The following VKORC1L1 variants were observed in gnomAD, a reference collection of about 807,000 sequenced individuals.
VKORC1L1 encodes vitamin K epoxide reductase complex subunit 1-like protein 1.
VKORC1L1 carries 2 observed loss-of-function variants against 18.9 expected under a neutral mutation model. The observed-to-expected ratio is 0.11, with a 90% confidence interval of 0.04 to 0.33. The LOEUF is 0.33. Among genes scored for constraint, VKORC1L1 ranks in the 10% least tolerant of loss-of-function variants. The probability of loss-of-function intolerance (pLI) is 1.00; values close to 1 mark genes in which losing one functional copy is unlikely to be tolerated. For missense variants in VKORC1L1, 123 were observed against 224.1 expected (o/e 0.55, Z 2.88); for synonymous variants, 96 against 100.0 (o/e 0.96, Z 0.24).
rs1790330053 is a variant in VKORC1L1 at position 65,958,119 on chromosome 7, GA to G, written c.*3820del. On this transcript the variant is annotated 3_prime_UTR_variant, in exon 3 of 3. Coordinates refer to ENST00000360768, the MANE Select transcript of VKORC1L1 (RefSeq NM_173517.6). ...ACACAGTCATGGGTGAAACATTTCA[GA>G]CACCTCAGGCAGCACTTATGGTTTC... The G allele has an allele frequency of 6.6e-6, 1 of 152,058 alleles. No homozygotes were observed. The highest frequency in any genetic ancestry group is 2.0e-4 in the East Asian group (1 of 5,092). The allele number at this position is 152,058 out of a possible 1,614,324, so 9.4% of individuals were successfully genotyped here.
At chr7:65,873,021 G>A (rs912121632), upstream of VKORC1L1, among the ~76,000 whole-genome samples, 4 of 73,772 alleles carry the variant, frequency 5.4e-5, no homozygotes, top group African/African-American at 2.3e-4. Context: ...TTTCTCCCCC[G>A]GGCTCCACCC....
At chr7:65,895,146 A>C (rs1412879740) in intron 1 of VKORC1L1, among the ~76,000 whole-genome samples, 2 of 152,100 alleles carry the variant, frequency 1.3e-5, no homozygotes, top group African/African-American at 2.4e-5. Flanking sequence ...TCTTCCAGGT[A>C]CTTCTGGCCA....
rs945175617 is a variant in VKORC1L1 at position 65,958,529 on chromosome 7, T to G, written c.*4229T>G. The G allele has an allele frequency of 2.6e-5, 4 of 152,232 alleles. No individual in the cohort carries two copies. The highest frequency in any genetic ancestry group is 2.1e-4 in the South Asian group (1 of 4,832). 9.4% of individuals were successfully genotyped at this position (152,232 alleles called of 1,614,324 possible). On this transcript the variant is annotated 3_prime_UTR_variant, in exon 3 of 3. Coordinates refer to ENST00000360768, the MANE Select transcript of VKORC1L1 (RefSeq NM_173517.6). ...CATAACTTTTTTGGTATAAAATAAATGTAGAAGTTACCTGTGGAAGTTGTG... is the reference window on the plus strand; with the variant it reads ...CATAACTTTTTTGGTATAAAATAAAGGTAGAAGTTACCTGTGGAAGTTGTG...
intron 2 of VKORC1L1, among the ~76,000 whole-genome samples, chr7:65,951,581 A>T (rs926250470): frequency 1.1e-4 from 16 of 151,610 alleles, no homozygotes; most frequent in Non-Finnish European, 1.9e-4. Flanking sequence ...CAGGAAAAAA[A>T]AAATATATAT....
At chr7:65,939,112 T>C (rs1789993553) in intron 1 of VKORC1L1, among the ~76,000 whole-genome samples, 1 of 152,122 alleles carries the variant, frequency 6.6e-6, no homozygotes, top group South Asian at 2.1e-4. Flanking sequence ...TTGAACAGGA[T>C]AGGAAAATTG....
At chr7:65,924,162 T>C (rs1789722377) in intron 1 of VKORC1L1, among the ~76,000 whole-genome samples, 1 of 152,140 alleles carries the variant, frequency 6.6e-6, no homozygotes, top group Admixed American at 6.6e-5. Flanking sequence ...ATCAGTATGT[T>C]CTAATATCTT....
chr7:65,915,243 C>T (rs761407819), intron 1 of VKORC1L1, among the ~76,000 whole-genome samples: 12 of 146,552 alleles, frequency 8.2e-5, no homozygotes, highest in Non-Finnish European at 1.7e-4. Context: ...AGGCCTCTGC[C>T]GCCATGCCTG....
chr7:65,930,238 A>C (rs1209064419), intron 1 of VKORC1L1, among the ~76,000 whole-genome samples: 2 of 152,176 alleles, frequency 1.3e-5, no homozygotes, highest in African/African-American at 4.8e-5. Context: ...AGAGCTTGCT[A>C]TAGGAAGGTC....
chr7:65,896,736 C>T (rs548051493), intron 1 of VKORC1L1, among the ~76,000 whole-genome samples: 4 of 152,316 alleles, frequency 2.6e-5, no homozygotes, highest in Admixed American at 6.5e-5. Flanking sequence ...CCTGGTGGCT[C>T]ATGCCTATAA....
intron 1 of VKORC1L1, among the ~76,000 whole-genome samples, chr7:65,930,689 C>A (rs1789843118): frequency 6.6e-6 from 1 of 151,940 alleles, no homozygotes; most frequent in Non-Finnish European, 1.5e-5. Context: ...AGTTTTATTC[C>A]TTCTTTTCTG....
chr7:65,932,061 G>A (rs1388010200), intron 1 of VKORC1L1, among the ~76,000 whole-genome samples: 4 of 151,636 alleles, frequency 2.6e-5, no homozygotes, highest in East Asian at 1.9e-4. Context: ...GCTTTCCTTC[G>A]TTCTGCTTGC....
intron 1 of VKORC1L1, among the ~76,000 whole-genome samples, chr7:65,882,937 T>C (rs1189831079): frequency 6.6e-6 from 1 of 152,198 alleles, no homozygotes; most frequent in Non-Finnish European, 1.5e-5. Flanking sequence ...TAATGTACTA[T>C]TTAAAAAACA....
chr7:65,926,917 A>C (rs1789774688), intron 1 of VKORC1L1, among the ~76,000 whole-genome samples: 1 of 152,182 alleles, frequency 6.6e-6, no homozygotes, highest in Non-Finnish European at 1.5e-5. Context: ...ACTCAAAGGC[A>C]AACAGTATAT....
At chr7:65,908,529 G>T (rs1789444587) in intron 1 of VKORC1L1, among the ~76,000 whole-genome samples, 1 of 151,870 alleles carries the variant, frequency 6.6e-6, no homozygotes, top group South Asian at 2.1e-4. Context: ...AACCACTGAA[G>T]GCAGAGTTTT....
intron 1 of VKORC1L1, among the ~76,000 whole-genome samples, chr7:65,932,806 G>A (rs1000951786): frequency 4.6e-5 from 7 of 152,160 alleles, no homozygotes; most frequent in Admixed American, 2.6e-4. Context: ...GCAGCTGGGC[G>A]CAGTGGCTCA....
chr7:65,922,114 G>A (rs6949812), intron 1 of VKORC1L1, among the ~76,000 whole-genome samples: 18,878 of 151,974 alleles, frequency 0.12, 1,328 homozygotes, highest in Middle Eastern at 0.21. Flanking sequence ...TACCAATCAC[G>A]TACCTTTTTT....
chr7:65,900,955 A>T (rs1405482952), intron 1 of VKORC1L1, among the ~76,000 whole-genome samples: 1 of 152,226 alleles, frequency 6.6e-6, no homozygotes, highest in Non-Finnish European at 1.5e-5. Context: ...TTATGAATGA[A>T]TTTGTGGGAC....
At chr7:65,941,338 A>G (rs1790029478) in intron 1 of VKORC1L1, among the ~76,000 whole-genome samples, 2 of 151,134 alleles carry the variant, frequency 1.3e-5, no homozygotes, top group Admixed American at 1.3e-4. Flanking sequence ...CTGATCTTGA[A>G]CTCCTGGGCT....
intron 1 of VKORC1L1, among the ~76,000 whole-genome samples, chr7:65,917,110 C>T (rs576114518): frequency 6.6e-6 from 1 of 152,106 alleles, no homozygotes; most frequent in Non-Finnish European, 1.5e-5. Flanking sequence ...GTGAGACTTT[C>T]TCCCGTGCAC....
Sources: gnomAD v4.1 joint callset for allele counts (sites outside exome capture counted in the v4.1 genomes callset) on GRCh38, gnomAD v4.1.1 for gene constraint, MANE v1.5 for transcripts, NCBI Gene and HGNC (gene_info 2026-07-23, HGNC 2026-07-21) for gene names.